The following CCDC102B variants were observed in gnomAD, a reference collection of about 807,000 sequenced individuals.
CCDC102B encodes the protein coiled-coil domain containing 102B.
CCDC102B carries 75 observed loss-of-function variants against 57.4 expected under a neutral mutation model. That is an observed-to-expected ratio of 1.31 (90% CI 1.08 to 1.58). The LOEUF (loss-of-function observed/expected upper bound fraction) is 1.58. CCDC102B is among the 40% of genes most tolerant of loss of function. CCDC102B has a pLI of 0.00. For missense variants in CCDC102B, 636 were observed against 582.6 expected (o/e 1.09, Z -0.94); for synonymous variants, 206 against 201.9 (o/e 1.02, Z -0.17).
At chr18:68,927,862 T>G (rs913534396) in intron 6 of CCDC102B, among the ~76,000 whole-genome samples, 1 of 151,850 alleles carries the variant, frequency 6.6e-6, no homozygotes, top group African/African-American at 2.4e-5. Context: ...TAAATGAGAT[T>G]GGTACACTGA....
At chr18:68,762,993 A>AG (rs547692459) in intron 2 of CCDC102B, among the ~76,000 whole-genome samples, 1 of 152,032 alleles carries the variant, frequency 6.6e-6, no homozygotes, top group Non-Finnish European at 1.5e-5. Context: ...CAAAGGCCTT[A>AG]GGGGGGAAAA....
intron 3 of CCDC102B, among the ~76,000 whole-genome samples, chr18:68,842,597 A>G (rs1032948659): frequency 6.6e-6 from 1 of 152,176 alleles, no homozygotes; most frequent in East Asian, 1.9e-4. Context: ...AATAGACAGC[A>G]TCTAGAATCC....
chr18:68,842,704 G>C (rs2037690254), intron 3 of CCDC102B, among the ~76,000 whole-genome samples: 1 of 152,154 alleles, frequency 6.6e-6, no homozygotes, highest in Non-Finnish European at 1.5e-5. Flanking sequence ...TCCCGTATTG[G>C]TGATCTTGAG....
chr18:68,735,531 CT>C (rs1279626932), intron 2 of CCDC102B, among the ~76,000 whole-genome samples: 1 of 152,140 alleles, frequency 6.6e-6, no homozygotes, highest in Non-Finnish European at 1.5e-5. Flanking sequence ...TCACTGTAAG[CT>C]TTGTAAATTT....
intron 2 of CCDC102B, among the ~76,000 whole-genome samples, chr18:68,730,815 G>T (rs1292465082): frequency 6.6e-6 from 1 of 152,056 alleles, no homozygotes; most frequent in Non-Finnish European, 1.5e-5. Context: ...ATTTAATACT[G>T]AACTGTATTC....
intron 2 of CCDC102B, among the ~76,000 whole-genome samples, chr18:68,721,966 A>G (rs1474733824): frequency 6.6e-6 from 1 of 152,234 alleles, no homozygotes; most frequent in East Asian, 1.9e-4. Context: ...ATAACCTGCT[A>G]CAACTAAGAA....
chr18:68,771,459 G>A (rs759032753), intron 2 of CCDC102B, among the ~76,000 whole-genome samples: 1 of 152,126 alleles, frequency 6.6e-6, no homozygotes, highest in Non-Finnish European at 1.5e-5. Context: ...TGGCCCAGGG[G>A]TTAGATACTC....
chr18:68,993,393 A>G (rs1308400628), intron 6 of CCDC102B: 2 of 152,208 alleles, frequency 1.3e-5, no homozygotes, highest in African/African-American at 4.8e-5. Context: ...ATTGTCACAT[A>G]TTCTTTAGAT....
At chr18:68,934,832 C>T in intron 6 of CCDC102B, among the ~76,000 whole-genome samples, 1 of 151,424 alleles carries the variant, frequency 6.6e-6, no homozygotes. Context: ...TATTTAGTAC[C>T]TCCTCTGCTT....
rs1219742392 is a variant in CCDC102B, at chr18:68,925,665, T to C, written c.1263+28237T>C. The stretch of plus-strand genomic sequence containing the variant: ...CATAAGTTGTTTCATTTTGTACTTA[T>C]AGGTGGTTACTAATTCAGATGAGCA... On this transcript the variant is annotated intron_variant, in intron 6 of 7. Transcript: ENST00000360242. Among the ~76,000 whole-genome samples the C allele has an allele frequency of 3.3e-5, 5 of 152,128 alleles. No homozygotes were observed. The East Asian group carries it at 7.8e-4, about 24-fold the overall frequency.
At chr18:68,933,624 T>C (rs1245463946) in intron 6 of CCDC102B, among the ~76,000 whole-genome samples, 1 of 151,942 alleles carries the variant, frequency 6.6e-6, no homozygotes, top group Non-Finnish European at 1.5e-5. Context: ...TCGATTATAT[T>C]TTGTGATAAT....
rs1568263227 is a variant in CCDC102B at position 68,810,688 on chromosome 18, T to TA, written c.-16+12507_-16+12508insA. 2.1e-3 allele frequency among the ~76,000 whole-genome samples: 298 copies of TA among 138,862 alleles called. 3 individuals are homozygous for TA. The highest frequency in any genetic ancestry group is 8.4e-3 in the African/African-American group (291 of 34,774). 91.1% of individuals were successfully genotyped at this position (138,862 alleles called of 152,430 possible). On this transcript the variant is annotated intron_variant, in intron 1 of 7. Coordinates refer to ENST00000360242, the MANE Select transcript of CCDC102B (RefSeq NM_024781.3). The stretch of plus-strand genomic sequence containing the variant: ...TTTCTTTTCTTTTCTTTGTTTTTTT[T>TA]TTTTTTTTTTTTTTTTTTTATGCTT...
intron 1 of CCDC102B, among the ~76,000 whole-genome samples, chr18:68,816,038 C>A (rs879341678): frequency 6.6e-6 from 1 of 152,134 alleles, no homozygotes; most frequent in Admixed American, 6.5e-5. Flanking sequence ...TAATTCCACG[C>A]CTGATTTCAT....
chr18:68,985,690 C>A (rs1041136763), intron 6 of CCDC102B, among the ~76,000 whole-genome samples: 10 of 152,120 alleles, frequency 6.6e-5, no homozygotes, highest in African/African-American at 2.4e-4. Context: ...GGGCAGGCAA[C>A]AGCAGTAAGA....
At chr18:68,957,563 T>TG (rs2049934744) in intron 6 of CCDC102B, among the ~76,000 whole-genome samples, 3 of 151,338 alleles carry the variant, frequency 2.0e-5, no homozygotes, top group South Asian at 2.1e-4. Flanking sequence ...TCCAGTTTTT[T>TG]TTTTTTTTTT....
intron 2 of CCDC102B, among the ~76,000 whole-genome samples, chr18:68,782,078 G>A (rs534200175): frequency 6.6e-5 from 10 of 152,148 alleles, no homozygotes; most frequent in Non-Finnish European, 1.3e-4. Context: ...AGAAGCAATA[G>A]CAGTCTTGTT....
chr18:68,836,594 C>T (rs1271878167), intron 1 of CCDC102B, among the ~76,000 whole-genome samples, 155 bp from the exon 2 acceptor site: 1 of 144,600 alleles, frequency 6.9e-6, no homozygotes, highest in Non-Finnish European at 1.5e-5. Context: ...TGCTACTGCA[C>T]TCCAGCCTGG....
intron 1 of CCDC102B, among the ~76,000 whole-genome samples, chr18:68,830,273 G>A (rs2037090632): frequency 6.6e-6 from 1 of 151,924 alleles, no homozygotes; most frequent in African/African-American, 2.4e-5. Context: ...CTTGTGCAGT[G>A]TTATTTCCCA....
chr18:68,855,849 A>T (rs1599573175), intron 4 of CCDC102B, among the ~76,000 whole-genome samples: 1 of 152,140 alleles, frequency 6.6e-6, no homozygotes, highest in East Asian at 1.9e-4. Flanking sequence ...AAAATAAATT[A>T]AATGGTGTAA....
Sources: allele counts gnomAD v4.1 joint callset (sites outside exome capture counted in the v4.1 genomes callset), GRCh38; gene constraint gnomAD v4.1.1; transcripts MANE v1.5; gene names NCBI Gene and HGNC (gene_info 2026-07-23, HGNC 2026-07-21).